TRPM1: variants seen among roughly 807,000 people sequenced by gnomAD.
The protein encoded by TRPM1 is TRPM1-203 APA Isoform, Intron 10.
In TRPM1, 113 loss-of-function variants were observed where a neutral mutation model predicts 149.4. The observed-to-expected ratio is 0.76, with a 90% CI of 0.65 to 0.88. The LOEUF (loss-of-function observed/expected upper bound fraction) is 0.88. TRPM1 is among the 40% of genes least tolerant of loss of function. The probability of loss-of-function intolerance (pLI) is 0.00; values close to 1 mark genes in which losing one functional copy is unlikely to be tolerated. For synonymous variants in TRPM1, 741 were observed against 759.5 expected (o/e 0.98, Z 0.40); for missense variants, 1,976 against 2,038.7 (o/e 0.97, Z 0.59).
intron 9 of TRPM1, among the ~76,000 whole-genome samples, chr15:31,061,946 C>G (rs773042607): frequency 4.6e-5 from 7 of 152,294 alleles, no homozygotes; most frequent in East Asian, 3.9e-4. Flanking sequence ...TCTCAGCCCC[C>G]CAAAGTGCTG....
intron 1 of TRPM1, among the ~76,000 whole-genome samples, chr15:31,150,076 A>G (rs1254461157): frequency 6.6e-6 from 1 of 152,194 alleles, no homozygotes; most frequent in African/African-American, 2.4e-5. Flanking sequence ...CTTAGGAGCT[A>G]ACTCCTAATC....
intron 25 of TRPM1, among the ~76,000 whole-genome samples, chr15:31,027,784 T>G (rs2032852883): frequency 1.3e-5 from 2 of 152,226 alleles, no homozygotes; most frequent in East Asian, 3.8e-4. Flanking sequence ...TCTTAGAAGC[T>G]AAAATCATTT....
At position 31,087,408 on chromosome 15, in the gene TRPM1, C is replaced by T. The variant is rs117742698; in HGVS notation, c.-83-5970G>A. Among the ~76,000 whole-genome samples the T allele has an allele frequency of 1.8e-4, 27 of 151,666 alleles. No individual in the cohort carries two copies. In the East Asian group the frequency reaches 2.5e-3, roughly 14 times the overall value. On this transcript the variant is annotated intron_variant, in intron 1 of 27. Coordinates refer to ENST00000256552, the MANE Select transcript of TRPM1 (RefSeq NM_001252024.2). ...CTAGGACTACAGGCCCCCATCACCACGCCCCGCTAATTTTTTTGTGTATTT... is the reference window on the plus strand; with the variant it reads ...CTAGGACTACAGGCCCCCATCACCATGCCCCGCTAATTTTTTTGTGTATTT...
intron 1 of TRPM1, among the ~76,000 whole-genome samples, chr15:31,119,259 T>C (rs1381530255): frequency 6.6e-6 from 1 of 151,324 alleles, no homozygotes; most frequent in African/African-American, 2.4e-5. Flanking sequence ...AATAAATAAA[T>C]AAATAAATAA....
intron 1 of TRPM1, among the ~76,000 whole-genome samples, chr15:31,100,221 C>T (rs911528808): frequency 7.9e-5 from 12 of 151,790 alleles, no homozygotes; most frequent in Admixed American, 3.3e-4. Flanking sequence ...GGACTACAGG[C>T]GCGCACTACC....
intron 27 of TRPM1, among the ~76,000 whole-genome samples, chr15:31,005,781 G>A (rs998041687): frequency 2.6e-5 from 4 of 152,118 alleles, no homozygotes; most frequent in Admixed American, 1.3e-4. Flanking sequence ...AATAAATGAG[G>A]ATCTATCTCC....
intron 1 of TRPM1, among the ~76,000 whole-genome samples, chr15:31,145,266 A>G (rs1364751130): frequency 6.6e-6 from 1 of 152,244 alleles, no homozygotes; most frequent in East Asian, 1.9e-4. Context: ...ACTGGAAGCC[A>G]GGACAACAAG....
intron 27 of TRPM1, among the ~76,000 whole-genome samples, chr15:31,016,899 A>G (rs1411223928): frequency 2.0e-5 from 3 of 152,010 alleles, no homozygotes; most frequent in African/African-American, 7.3e-5. Context: ...CACAGATTAA[A>G]TCTTTGGGCT....
rs1367347717 is a variant in TRPM1 at position 31,002,998 on chromosome 15, A to G, written c.3702T>C (p.Thr1234=). The part of the protein sequence containing the change: ...RETFMKTSLQ[T]VDLRLAQLEE... ...CTAGCTGAGCAAGTCGAAGGTCAAC[A>G]GTCTGCAGGGAAGTTTTCATAAAAG... Residue 1234 remains threonine (T), a synonymous_variant, in exon 28 of 28, where the codon ACT becomes ACC. Transcript: ENST00000256552. 2 of 1,594,252 alleles carry G rather than the reference A, an allele frequency of 1.3e-6. No individual in the cohort carries two copies. The highest frequency in any genetic ancestry group is 3.6e-5 in the Admixed American group (2 of 55,068).
chr15:31,088,066 GC>G (rs2035050725), intron 1 of TRPM1, among the ~76,000 whole-genome samples: 1 of 152,218 alleles, frequency 6.6e-6, no homozygotes, highest in Non-Finnish European at 1.5e-5. Flanking sequence ...GAGAGGTGCA[GC>G]CGACTGGGCT....
At chr15:31,133,566 C>T (rs2036049456) in intron 1 of TRPM1, among the ~76,000 whole-genome samples, 1 of 152,134 alleles carries the variant, frequency 6.6e-6, no homozygotes, top group Non-Finnish European at 1.5e-5. Flanking sequence ...GCTGTAGTCC[C>T]AGCTAGTCAG....
intron 2 of TRPM1, among the ~76,000 whole-genome samples, chr15:31,079,940 C>T (rs994880989): frequency 6.6e-6 from 1 of 152,154 alleles, no homozygotes; most frequent in African/African-American, 2.4e-5. Context: ...GACATGGGAA[C>T]ATGCCAAAAG....
intron 1 of TRPM1, among the ~76,000 whole-genome samples, chr15:31,098,366 G>C (rs948328870): frequency 6.6e-6 from 1 of 152,160 alleles, no homozygotes; most frequent in African/African-American, 2.4e-5. Flanking sequence ...GGAGGCGGAG[G>C]TTGCGGTGAG....
chr15:31,143,164 A>C (rs1004234360), intron 1 of TRPM1, among the ~76,000 whole-genome samples: 2 of 152,226 alleles, frequency 1.3e-5, no homozygotes, highest in Non-Finnish European at 2.9e-5. Context: ...GAATGGAAAG[A>C]AGTCTAACAA....
intron 27 of TRPM1, among the ~76,000 whole-genome samples, chr15:31,019,896 T>C (rs776727525): frequency 2.6e-5 from 4 of 152,166 alleles, no homozygotes; most frequent in Non-Finnish European, 5.9e-5. Flanking sequence ...CTTGAACTCC[T>C]GACCTCAAGT....
At chr15:31,019,905 G>A (rs2032498903) in intron 27 of TRPM1, among the ~76,000 whole-genome samples, 1 of 152,184 alleles carries the variant, frequency 6.6e-6, no homozygotes, top group Non-Finnish European at 1.5e-5. Context: ...CTGACCTCAA[G>A]TGATCCGCCC....
At chr15:31,014,345 G>C (rs540122035) in intron 27 of TRPM1, among the ~76,000 whole-genome samples, 3 of 152,092 alleles carry the variant, frequency 2.0e-5, no homozygotes, top group South Asian at 4.1e-4. Context: ...TTTCAGCTAG[G>C]CTTTCAAGGA....
At chr15:31,021,209 C>T (rs2032541027) in intron 27 of TRPM1, among the ~76,000 whole-genome samples, 1 of 152,228 alleles carries the variant, frequency 6.6e-6, no homozygotes, top group Non-Finnish European at 1.5e-5. Context: ...TGCCGTTCTA[C>T]AACCTTCTCT....
At chr15:31,060,719 G>T in intron 10 of TRPM1, 75 bp from the exon 11 acceptor site, 3 of 1,177,230 alleles carry the variant, frequency 2.5e-6, no homozygotes, top group Middle Eastern at 1.9e-4. Flanking sequence ...GCTGGGTGGT[G>T]AGCACAGGCT....
Sources: allele counts gnomAD v4.1 joint callset (sites outside exome capture counted in the v4.1 genomes callset), GRCh38; gene constraint gnomAD v4.1.1; transcripts MANE v1.5; gene names NCBI Gene and HGNC (gene_info 2026-07-23, HGNC 2026-07-21).